The following STAU2 variants were observed in gnomAD, a reference collection of about 807,000 sequenced individuals.
STAU2 encodes the protein double-stranded RNA-binding protein Staufen homolog 2.
A neutral mutation model predicts 65.9 loss-of-function variants in STAU2; 20 were observed. That is an observed-to-expected ratio of 0.30 (90% CI 0.21 to 0.44). The LOEUF (loss-of-function observed/expected upper bound fraction) is 0.44. STAU2 is among the 20% of genes least tolerant of loss of function. STAU2 has a pLI of 1.00. For synonymous variants in STAU2, 232 were observed against 233.9 expected (o/e 0.99, Z 0.07); for missense variants, 558 against 683.9 (o/e 0.82, Z 2.05).
chr8:73,746,832 C>G lies in STAU2; in HGVS notation c.-246G>C. ...ACGGCTCCAACATTGGCAAACACTA[C>G]AGAGAACTGACCCCGCTCGGCCGCC... On this transcript the variant is annotated 5_prime_UTR_variant, in exon 1 of 15. Coordinates refer to ENST00000524300, the MANE Select transcript of STAU2 (RefSeq NM_001164380.2). The G allele has an allele frequency of 1.6e-6, 2 of 1,229,684 alleles. No homozygotes were observed. The highest frequency in any genetic ancestry group is 2.0e-6 in the Non-Finnish European group (2 of 985,444). The allele number at this position is 1,229,684 out of a possible 1,614,324, so 76.2% of individuals were successfully genotyped here.
At chr8:73,474,612 G>A (rs576676250) in intron 13 of STAU2, among the ~76,000 whole-genome samples, 1 of 152,068 alleles carries the variant, frequency 6.6e-6, no homozygotes, top group South Asian at 2.1e-4. Flanking sequence ...TAGAGGAGGT[G>A]TATTCTGTTC....
At chr8:73,432,235 A>C (rs1817353682) in intron 13 of STAU2, among the ~76,000 whole-genome samples, 2 of 152,216 alleles carry the variant, frequency 1.3e-5, no homozygotes, top group African/African-American at 4.8e-5. Context: ...GAGCTGATCT[A>C]ACTGCTAGAT....
chr8:73,466,383 G>T (rs1057076917), intron 13 of STAU2, among the ~76,000 whole-genome samples: 1 of 152,176 alleles, frequency 6.6e-6, no homozygotes, highest in African/African-American at 2.4e-5. Flanking sequence ...AGGTGAAAGG[G>T]CTTGAGCAAC....
chr8:73,611,528 T>G (rs541632764), intron 9 of STAU2, among the ~76,000 whole-genome samples: 1 of 152,332 alleles, frequency 6.6e-6, no homozygotes, highest in East Asian at 1.9e-4. Flanking sequence ...ATGTTTCTCC[T>G]GTCTCCCACC....
Position 73,439,589 on chromosome 8 carries a change from C to T in STAU2, c.1531-16887G>A, listed in dbSNP as rs7839282. Among the ~76,000 whole-genome samples, 497 of 152,246 alleles carry T rather than the reference C, an allele frequency of 3.3e-3. 2 individuals are homozygous for T. The highest frequency in any genetic ancestry group is 8.8e-3 in the Admixed American group (135 of 15,296). On this transcript the variant is annotated intron_variant, in intron 13 of 14. Transcript: ENST00000524300. ...CAGGGGTGGGAAAGAGGCTGAGATT[C>T]GCAGCTGAACAAACTTGGGCTCAAT...
chr8:73,438,281 C>G (rs1029957802), intron 13 of STAU2, among the ~76,000 whole-genome samples: 3 of 152,224 alleles, frequency 2.0e-5, no homozygotes, highest in Non-Finnish European at 4.4e-5. Context: ...CGCTAACAGA[C>G]AGTCATCACC....
At chr8:73,639,305 A>G (rs1447271285) in intron 6 of STAU2, among the ~76,000 whole-genome samples, 1 of 152,106 alleles carries the variant, frequency 6.6e-6, no homozygotes, top group Non-Finnish European at 1.5e-5. Context: ...CAATTTGTGA[A>G]TACCCAGAAA....
intron 13 of STAU2, among the ~76,000 whole-genome samples, chr8:73,491,326 G>T (rs754393349): frequency 6.6e-6 from 1 of 151,964 alleles, no homozygotes; most frequent in Non-Finnish European, 1.5e-5. Flanking sequence ...TTAGCAGGCG[G>T]TCAAAGATTT....
At chr8:73,499,567 A>C (rs980805669) in intron 13 of STAU2, among the ~76,000 whole-genome samples, 1 of 151,856 alleles carries the variant, frequency 6.6e-6, no homozygotes, top group Non-Finnish European at 1.5e-5. Flanking sequence ...CAGTAGGACA[A>C]GGGTGACTGT....
At chr8:73,425,968 C>T (rs1376087044) in intron 13 of STAU2, among the ~76,000 whole-genome samples, 3 of 152,006 alleles carry the variant, frequency 2.0e-5, no homozygotes, top group African/African-American at 7.2e-5. Flanking sequence ...AATGTTTGTA[C>T]TTTTAGTAGA....
intron 11 of STAU2, among the ~76,000 whole-genome samples, chr8:73,587,079 G>A (rs979592710): frequency 4.6e-5 from 7 of 151,996 alleles, no homozygotes; most frequent in Admixed American, 1.3e-4. Context: ...GAAAAGCATC[G>A]AGAGGGAAGA....
chr8:73,620,564 C>A (rs1378653233), intron 6 of STAU2, among the ~76,000 whole-genome samples: 1 of 152,112 alleles, frequency 6.6e-6, no homozygotes, highest in African/African-American at 2.4e-5. Flanking sequence ...ATATTAATTG[C>A]ACACCAAAGA....
intron 10 of STAU2, among the ~76,000 whole-genome samples, chr8:73,599,879 T>C (rs1811501228): frequency 6.6e-6 from 1 of 152,170 alleles, no homozygotes; most frequent in Admixed American, 6.5e-5. Context: ...GCCATTCTCC[T>C]GCCTCAGCCT....
chr8:73,635,738 T>C (rs1403118086), intron 6 of STAU2, among the ~76,000 whole-genome samples: 2 of 151,740 alleles, frequency 1.3e-5, no homozygotes, highest in Non-Finnish European at 2.9e-5. Flanking sequence ...GGCAGAAGAA[T>C]TGCTTGAACC....
intron 13 of STAU2, among the ~76,000 whole-genome samples, chr8:73,531,298 T>C (rs1196401470): frequency 2.6e-5 from 4 of 152,130 alleles, no homozygotes; most frequent in African/African-American, 9.7e-5. Context: ...CAGAAAACTA[T>C]GGAATTTGCC....
chr8:73,486,678 G>A (rs1054651891), intron 13 of STAU2, among the ~76,000 whole-genome samples: 3 of 146,322 alleles, frequency 2.1e-5, no homozygotes, highest in African/African-American at 5.1e-5. Flanking sequence ...TTTTGAGACA[G>A]GGTCTTGCTC....
At chr8:73,570,885 C>A (rs182707790) in intron 12 of STAU2, among the ~76,000 whole-genome samples, 4 of 152,246 alleles carry the variant, frequency 2.6e-5, no homozygotes, top group African/African-American at 9.6e-5. Flanking sequence ...AAATCCTTTA[C>A]AGACAAGCAA....
At chr8:73,687,295 TA>T (rs1818934506) in intron 5 of STAU2, among the ~76,000 whole-genome samples, 1 of 126,658 alleles carries the variant, frequency 7.9e-6, no homozygotes, top group East Asian at 2.0e-4. Flanking sequence ...AATTTATATT[TA>T]TATTTATAAA....
At position 73,603,771 on chromosome 8, in the gene STAU2, C is replaced by T; in HGVS notation, c.984G>A (p.Leu328=). 6.2e-7 allele frequency: 1 copy of T among 1,611,788 alleles called. No homozygotes were observed. Among genetic ancestry groups the T allele is most frequent in the African/African-American group, 1.3e-5 (1 of 74,976 alleles). ...GTCGAGGCATTCCTCTTTCTGAAAG[C>T]AAAACATAATCCGGCTCCTTTTCCT... ...AKKEKEPDYV[L]LSERGMPRRR... The change falls in exon 10 of 15, where the codon TTG becomes TTA. Residue 328 remains leucine (L), a synonymous_variant. Coordinates refer to ENST00000524300, the MANE Select transcript of STAU2 (RefSeq NM_001164380.2).
Sources: gnomAD v4.1 joint callset for allele counts (sites outside exome capture counted in the v4.1 genomes callset) on GRCh38, gnomAD v4.1.1 for gene constraint, MANE v1.5 for transcripts, NCBI Gene and HGNC (gene_info 2026-07-23, HGNC 2026-07-21) for gene names.